The following NRG3 variants were observed in gnomAD, a reference collection of about 807,000 sequenced individuals.
NRG3 encodes neuregulin 3.
NRG3 carries 31 observed loss-of-function variants against 66.9 expected under a neutral mutation model. The ratio of observed to expected loss-of-function variants is 0.46; its 90% CI spans 0.35 to 0.63. The LOEUF is 0.63. NRG3 is among the 20% of genes least tolerant of loss of function. NRG3 has a pLI of 0.00. For synonymous variants in NRG3, 393 were observed against 359.4 expected (o/e 1.09, Z -1.06); for missense variants, 910 against 878.9 (o/e 1.04, Z -0.45).
intron 5 of NRG3, among the ~76,000 whole-genome samples, chr10:82,951,909 A>G (rs2132364562): frequency 6.6e-6 from 1 of 152,204 alleles, no homozygotes; most frequent in Middle Eastern, 3.4e-3. Context: ...CTAAAGGCTA[A>G]CTCTTCTGAA....
chr10:82,462,132 AAAATAAAT>A (rs578150018), intron 2 of NRG3, among the ~76,000 whole-genome samples: 1 of 152,148 alleles, frequency 6.6e-6, no homozygotes, highest in Admixed American at 6.5e-5. Flanking sequence ...ACTCCATCTC[AAAATAAAT>A]AAATAAATAA....
chr10:82,635,981 G>A (rs370933572), intron 2 of NRG3, among the ~76,000 whole-genome samples: 3 of 152,122 alleles, frequency 2.0e-5, no homozygotes, highest in Non-Finnish European at 2.9e-5. Context: ...CGTGCGTAGT[G>A]TCAAAGTCCA....
intron 3 of NRG3, among the ~76,000 whole-genome samples, chr10:82,841,288 G>C (rs530262676): frequency 6.6e-6 from 1 of 152,262 alleles, no homozygotes; most frequent in Admixed American, 6.5e-5. Flanking sequence ...ATGAAATTCT[G>C]TTGTTTTAAG....
chr10:82,601,531 T>C (rs1395736477), intron 2 of NRG3, among the ~76,000 whole-genome samples: 3 of 152,172 alleles, frequency 2.0e-5, no homozygotes, highest in Admixed American at 2.0e-4. Context: ...TTTTTCAAAG[T>C]GTTCTCCAAA....
chr10:82,532,487 CTA>C (rs1183834113), intron 2 of NRG3, among the ~76,000 whole-genome samples: 1 of 146,912 alleles, frequency 6.8e-6, no homozygotes, highest in Non-Finnish European at 1.5e-5. Context: ...ATAGTACTCT[CTA>C]TATATAGTAC....
intron 6 of NRG3, among the ~76,000 whole-genome samples, chr10:82,969,143 C>G (rs1851496802): frequency 6.6e-6 from 1 of 152,166 alleles, no homozygotes; most frequent in Non-Finnish European, 1.5e-5. Flanking sequence ...CATATCACAG[C>G]TCTCTGCAGT....
chr10:82,821,954 C>T (rs907469063), intron 3 of NRG3, among the ~76,000 whole-genome samples: 8 of 152,066 alleles, frequency 5.3e-5, no homozygotes, highest in Non-Finnish European at 1.5e-5. Context: ...TGCTACCCTG[C>T]CCCCCACATG....
At chr10:82,803,578 T>C (rs183163387) in intron 3 of NRG3, among the ~76,000 whole-genome samples, 1 of 152,206 alleles carries the variant, frequency 6.6e-6, no homozygotes, top group Non-Finnish European at 1.5e-5. Context: ...TCATTCATTT[T>C]TTTGACTTTA....
intron 1 of NRG3, among the ~76,000 whole-genome samples, chr10:81,915,334 C>T (rs1845573344): frequency 6.6e-6 from 1 of 152,088 alleles, no homozygotes; most frequent in African/African-American, 2.4e-5. Flanking sequence ...CGTGGTTGGT[C>T]AGCTGCCTTG....
At chr10:82,056,810 T>C (rs905847462) in intron 1 of NRG3, among the ~76,000 whole-genome samples, 1 of 152,228 alleles carries the variant, frequency 6.6e-6, no homozygotes, top group African/African-American at 2.4e-5. Context: ...ATTGTTCCAT[T>C]GCTTTCTGAC....
intron 1 of NRG3, among the ~76,000 whole-genome samples, chr10:81,986,893 G>GCTGAACTTGAACTC (rs1350410235): frequency 6.6e-6 from 1 of 151,948 alleles, no homozygotes; most frequent in Non-Finnish European, 1.5e-5. Context: ...CATTTCCCAG[G>GCTGAACTTGAACTC]CTGAACTTGA....
At chr10:81,878,405 GA>G (rs1841876513) in intron 1 of NRG3, among the ~76,000 whole-genome samples, 1 of 152,150 alleles carries the variant, frequency 6.6e-6, no homozygotes, top group Admixed American at 6.5e-5. Flanking sequence ...AGGAAAAGTG[GA>G]TTATGTAGTT....
intron 3 of NRG3, among the ~76,000 whole-genome samples, chr10:82,822,351 C>T (rs955255502): frequency 6.6e-6 from 1 of 151,958 alleles, no homozygotes; most frequent in Non-Finnish European, 1.5e-5. Context: ...TTCCTGGGCT[C>T]AGGAGAAGGG....
At chr10:82,274,160 T>A (rs1192226487) in intron 1 of NRG3, among the ~76,000 whole-genome samples, 3 of 152,014 alleles carry the variant, frequency 2.0e-5, no homozygotes, top group Non-Finnish European at 4.4e-5. Context: ...CATTTCTAGA[T>A]GTTGCAATTA....
chr10:82,798,144 T>C (rs2060881964), intron 3 of NRG3, among the ~76,000 whole-genome samples: 1 of 151,776 alleles, frequency 6.6e-6, no homozygotes, highest in African/African-American at 2.4e-5. Flanking sequence ...TCACAGTACC[T>C]TGTACCCTGA....
intron 1 of NRG3, among the ~76,000 whole-genome samples, chr10:82,289,693 T>G (rs1043919911): frequency 2.0e-5 from 3 of 152,210 alleles, no homozygotes; most frequent in African/African-American, 7.2e-5. Flanking sequence ...TATTTTCATC[T>G]TTTCTACATA....
At chr10:81,999,651 T>C (rs1381917778) in intron 1 of NRG3, among the ~76,000 whole-genome samples, 1 of 152,198 alleles carries the variant, frequency 6.6e-6, no homozygotes, top group Admixed American at 6.5e-5. Flanking sequence ...TAGATTCATA[T>C]GTGCTCATAA....
intron 1 of NRG3, among the ~76,000 whole-genome samples, chr10:81,988,891 G>A (rs1445106049): frequency 1.3e-5 from 2 of 149,252 alleles, no homozygotes; most frequent in South Asian, 4.2e-4. Context: ...TTTTTTTTGA[G>A]GAAAAGAAAA....
intron 5 of NRG3, among the ~76,000 whole-genome samples, chr10:82,956,376 C>T (rs1359789829): frequency 6.6e-6 from 1 of 151,842 alleles, no homozygotes; most frequent in Non-Finnish European, 1.5e-5. Context: ...ATTGTTTTCT[C>T]TGTTCCCATT....
Sources: gnomAD v4.1 joint callset for allele counts (sites outside exome capture counted in the v4.1 genomes callset) on GRCh38, gnomAD v4.1.1 for gene constraint, MANE v1.5 for transcripts, NCBI Gene and HGNC (gene_info 2026-07-23, HGNC 2026-07-21) for gene names.